Variants in DMD observed in about 807,000 individuals in gnomAD.
The protein encoded by DMD is dystrophin.
DMD carries 63 observed loss-of-function variants against 330.1 expected under a neutral mutation model. That is an observed-to-expected ratio of 0.19 (90% confidence interval 0.16 to 0.24). DMD has a LOEUF of 0.24. Among genes scored for constraint, DMD ranks in the 10% least tolerant of loss-of-function variants. The pLI is 1.00. For missense variants in DMD, 3,344 were observed against 2,684.1 expected, an observed-to-expected ratio of 1.25 and a Z score of -5.43; for synonymous variants, 1,223 against 959.8, an observed-to-expected ratio of 1.27 and a Z score of -5.07.
chrX:31,559,640 CAAAAAAAAAA>C (rs1167550498), intron 55 of DMD, among the ~76,000 whole-genome samples: 2 of 21,638 alleles, frequency 9.2e-5, no homozygotes, highest in South Asian at 3.4e-3. Context: ...AACTCCGTCT[CAAAAAAAAAA>C]AAAAAAAAAA....
chrX:31,548,100 T>G (rs953937340), intron 55 of DMD, among the ~76,000 whole-genome samples: 1 of 111,790 alleles, frequency 8.9e-6, no homozygotes, highest in African/African-American at 3.3e-5. Context: ...AGTAAATCAG[T>G]TGAGAGGGAA....
rs147846919 is a variant in DMD, at chrX:32,657,486, G to T, written c.961-12334C>A. 3.7e-3 allele frequency among the ~76,000 whole-genome samples: 412 copies of T among 111,562 alleles called. 2 individuals carry two copies. The highest frequency in any genetic ancestry group is 0.013 in the African/African-American group (396 of 30,727). The stretch of plus-strand genomic sequence containing the variant: ...TTCTTACAAACACCCTAAAAGGGGG[G>T]ACCTATTTCCAAGATGAGGATGAGG... On this transcript the variant is annotated intron_variant, in intron 9 of 78. Transcript: ENST00000357033.
At chrX:33,057,565 C>T (rs1191055360) in intron 1 of DMD, among the ~76,000 whole-genome samples, 1 of 111,968 alleles carries the variant, frequency 8.9e-6, no homozygotes, top group Non-Finnish European at 1.9e-5. Flanking sequence ...AATAAAAATT[C>T]TGCACATTTC....
chrX:32,656,296 C>G (rs769766493), intron 9 of DMD, among the ~76,000 whole-genome samples: 1 of 111,795 alleles, frequency 8.9e-6, no homozygotes, highest in Admixed American at 9.5e-5. Flanking sequence ...ACCGTGACTA[C>G]GAAGACAGCG....
At chrX:32,956,473 C>T (rs1366467410) in intron 2 of DMD, among the ~76,000 whole-genome samples, 7 of 111,355 alleles carry the variant, frequency 6.3e-5, no homozygotes, top group Non-Finnish European at 1.3e-4. Flanking sequence ...TGTTGCACTG[C>T]ATGCAACAGA....
chrX:33,128,709 G>T (rs1424322283), intron 1 of DMD, among the ~76,000 whole-genome samples: 1 of 111,937 alleles, frequency 8.9e-6, no homozygotes, highest in African/African-American at 3.2e-5. Context: ...AAGCAGAGAA[G>T]GAAGCAAAAA....
rs2065221378 is a variant in DMD at position 32,711,845 on chromosome X, C to G, written c.650-12552G>C. On this transcript the variant is annotated intron_variant, in intron 7 of 78. Transcript: ENST00000357033. ...TAATGAGATTAAACATATACACTGT[C>G]TATGCATGTACTTTCTTAAGATGTG... is the stretch of plus-strand genomic sequence containing the variant. Among the ~76,000 whole-genome samples, 3 of 111,932 alleles carry G rather than the reference C, an allele frequency of 2.7e-5. No individual in the cohort carries two copies. In the Admixed American group the frequency reaches 2.9e-4, roughly 11 times the overall value.
At chrX:33,249,269 G>T (rs2052725802) in intron 1 of DMD, among the ~76,000 whole-genome samples, 1 of 111,708 alleles carries the variant, frequency 9.0e-6, no homozygotes, top group African/African-American at 3.3e-5. Flanking sequence ...TCCTGCCTCA[G>T]CCTCCCTAGT....
intron 16 of DMD, among the ~76,000 whole-genome samples, chrX:32,562,217 T>G (rs1381750498): frequency 8.9e-6 from 1 of 112,077 alleles, no homozygotes; most frequent in Admixed American, 9.5e-5. Flanking sequence ...CTCCAACATT[T>G]AGAAAAAAAG....
intron 13 of DMD, among the ~76,000 whole-genome samples, chrX:32,584,303 G>C (rs1190674104): frequency 9.0e-6 from 1 of 111,686 alleles, no homozygotes; most frequent in Non-Finnish European, 1.9e-5. Flanking sequence ...ATATGAAGCA[G>C]TTTGTACTTT....
chrX:33,213,466 T>C (rs73190254), upstream of DMD, among the ~76,000 whole-genome samples: 360 of 111,687 alleles, frequency 3.2e-3, no homozygotes, highest in Middle Eastern at 0.018. Context: ...ACCGAACAAA[T>C]TGAACTCCAG....
At chrX:32,968,941 T>A (rs2092272032) in intron 2 of DMD, among the ~76,000 whole-genome samples, 1 of 97,415 alleles carries the variant, frequency 1.0e-5, no homozygotes, top group Non-Finnish European at 2.0e-5. Flanking sequence ...AGGCAGAGAA[T>A]TGCTTGAAAC....
intron 1 of DMD, among the ~76,000 whole-genome samples, chrX:33,091,126 G>A (rs1181275190): frequency 9.0e-6 from 1 of 111,109 alleles, no homozygotes; most frequent in African/African-American, 3.3e-5. Context: ...GTTTGTGAGC[G>A]AAGGTTTGCA....
intron 62 of DMD, among the ~76,000 whole-genome samples, chrX:31,300,084 C>T (rs1295878472): frequency 9.0e-6 from 1 of 111,493 alleles, no homozygotes; most frequent in African/African-American, 3.3e-5. Flanking sequence ...AGAGTATGTT[C>T]CATATTTAAA....
At chrX:32,436,807 C>A (rs1276549353) in intron 29 of DMD, among the ~76,000 whole-genome samples, 3 of 109,730 alleles carry the variant, frequency 2.7e-5, no homozygotes, top group Non-Finnish European at 5.7e-5. Context: ...ACACAAATAA[C>A]CGGGAGTGGC....
chrX:32,627,742 G>C (rs2058447752), intron 11 of DMD, among the ~76,000 whole-genome samples: 1 of 110,724 alleles, frequency 9.0e-6, no homozygotes, highest in South Asian at 3.9e-4. Context: ...TAAAAAAATA[G>C]AAAACAGAAG....
At chrX:32,583,104 T>C (rs902573561) in intron 13 of DMD, among the ~76,000 whole-genome samples, 4 of 112,231 alleles carry the variant, frequency 3.6e-5, no homozygotes, top group Non-Finnish European at 7.5e-5. Context: ...ATGATTTCCA[T>C]CTCTCTCTCC....
intron 67 of DMD, among the ~76,000 whole-genome samples, chrX:31,183,840 CTGTT>C: frequency 9.8e-6 from 1 of 102,317 alleles, no homozygotes; most frequent in Non-Finnish European, 2.0e-5. Context: ...TTCTCAAGCT[CTGTT>C]TGTCTGAAAA....
At chrX:32,864,646 A>T (rs925971632) in intron 2 of DMD, among the ~76,000 whole-genome samples, 1 of 111,594 alleles carries the variant, frequency 9.0e-6, no homozygotes, top group Non-Finnish European at 1.9e-5. Flanking sequence ...CTATTGTTAT[A>T]TCATTTGACA....
Sources: gnomAD v4.1 joint callset for allele counts (sites outside exome capture counted in the v4.1 genomes callset) on GRCh38, gnomAD v4.1.1 for gene constraint, MANE v1.5 for transcripts, NCBI Gene and HGNC (gene_info 2026-07-23, HGNC 2026-07-21) for gene names.